Variants in STK32A observed in about 807,000 individuals in gnomAD.
STK32A encodes the protein serine/threonine kinase 32A.
A neutral mutation model predicts 53.2 loss-of-function variants in STK32A; 41 were observed. The ratio of observed to expected loss-of-function variants is 0.77; its 90% CI spans 0.60 to 1.00. STK32A has a LOEUF of 1.00. STK32A is among the 50% of genes least tolerant of loss of function. The pLI is 0.00. For missense variants in STK32A, 458 were observed against 485.8 expected (o/e 0.94, Z 0.54); for synonymous variants, 166 against 162.8 (o/e 1.02, Z -0.15).
chr5:147,388,237 C>T (rs1179893568), downstream of STK32A, among the ~76,000 whole-genome samples: 3 of 152,122 alleles, frequency 2.0e-5, no homozygotes, highest in Non-Finnish European at 2.9e-5. Flanking sequence ...TATACCAAAG[C>T]AGCAGGCAGA....
In STK32A at chr5:147,246,229, C is replaced by T. The variant is rs140985662; in HGVS notation, c.52+6543C>T. Among the ~76,000 whole-genome samples the T allele has an allele frequency of 2.0e-5, 3 of 152,222 alleles. No individual in the cohort carries two copies. In the East Asian group the frequency reaches 5.8e-4, roughly 29 times the overall value. On this transcript the variant is annotated intron_variant, in intron 2 of 12. Coordinates refer to ENST00000397936, the MANE Select transcript of STK32A (RefSeq NM_001112724.2). ...TAGTAAAGGCATTTGTCATAAATAA[C>T]CTCAAGTCCAATTTATGGCAAGGGT... is the stretch of plus-strand genomic sequence containing the variant.
chr5:147,384,528 A>C lies in STK32A; in HGVS notation c.*545A>C. ...ATCAGATTAAAAGTAACAGAGATGG[A>C]TGAGGGCCTTCCAGTGATATGCGTG... On this transcript the variant is annotated 3_prime_UTR_variant, in exon 13 of 13. Coordinates refer to ENST00000397936, the MANE Select transcript of STK32A (RefSeq NM_001112724.2). 1.8e-6 allele frequency: 2 copies of C among 1,101,938 alleles called. No individual in the cohort carries two copies. The highest frequency in any genetic ancestry group is 2.8e-5 in the South Asian group (2 of 70,710). The allele number at this position is 1,101,938 out of a possible 1,614,324, so 68.3% of individuals were successfully genotyped here. A position where few individuals can be genotyped will look rare whatever the true frequency, so the allele number is the denominator to read the frequency against.
intron 2 of STK32A, among the ~76,000 whole-genome samples, chr5:147,268,684 G>A (rs1238486295): frequency 6.6e-6 from 1 of 152,168 alleles, no homozygotes; most frequent in Non-Finnish European, 1.5e-5. Context: ...CTGTGACAGA[G>A]GGGGAATATG....
chr5:147,243,671 G>T (rs1206044602), intron 2 of STK32A, among the ~76,000 whole-genome samples: 2 of 149,188 alleles, frequency 1.3e-5, no homozygotes, highest in Non-Finnish European at 3.0e-5. Context: ...AACCTGGGAG[G>T]TGAAGTTTGC....
downstream of STK32A, chr5:147,387,878 CTGTGTGTGTGTATG>C (rs1757714511): frequency 6.6e-6 from 1 of 152,030 alleles, no homozygotes; most frequent in Non-Finnish European, 1.5e-5. Context: ...TCTTTGTCAG[CTGTGTGTGTGTATG>C]TGTGTGTGTG....
chr5:147,279,399 G>A lies in STK32A; in HGVS notation c.260+1G>A, dbSNP rs770017388. 1 of 1,572,402 alleles carries A rather than the reference G, an allele frequency of 6.4e-7. No homozygotes were observed. Among genetic ancestry groups the A allele is most frequent in the South Asian group, 1.2e-5 (1 of 85,838 alleles). On this transcript the variant is annotated splice_donor_variant, in intron 4 of 12. Coordinates refer to ENST00000397936, the MANE Select transcript of STK32A (RefSeq NM_001112724.2). LOFTEE classifies it high-confidence loss of function. The stretch of plus-strand genomic sequence containing the variant: ...AGCACCCTTTCCTGGTTAATTTGTG[G>A]TGAGTAATTTTACTGGACCTCTGAA...
intron 1 of STK32A, among the ~76,000 whole-genome samples, chr5:147,235,637 C>G (rs1213048471): frequency 3.3e-5 from 5 of 152,170 alleles, no homozygotes; most frequent in Non-Finnish European, 7.3e-5. Flanking sequence ...CATGCCTGTA[C>G]CTAGATTTCA....
chr5:147,277,241 A>C (rs1467255565), intron 2 of STK32A, among the ~76,000 whole-genome samples: 1 of 152,210 alleles, frequency 6.6e-6, no homozygotes, highest in African/African-American at 2.4e-5. Flanking sequence ...TCCTTATTTC[A>C]AAAACCAGGA....
intron 4 of STK32A, among the ~76,000 whole-genome samples, chr5:147,287,725 T>C (rs1373930071): frequency 6.6e-6 from 1 of 152,152 alleles, no homozygotes; most frequent in Non-Finnish European, 1.5e-5. Flanking sequence ...CTTTCTTCCC[T>C]ACCCTTAGCA....
At chr5:147,373,647 C>T (rs908154320) in intron 10 of STK32A, among the ~76,000 whole-genome samples, 97 of 151,966 alleles carry the variant, frequency 6.4e-4, no homozygotes, top group African/African-American at 2.2e-3. Flanking sequence ...TCTAAAGATG[C>T]AGAAGTTTGT....
chr5:147,324,008 A>G lies in STK32A; in HGVS notation c.371A>G (p.Lys124Arg). 1 of 1,611,980 alleles carries G rather than the reference A, an allele frequency of 6.2e-7. No individual in the cohort carries two copies. The highest frequency in any genetic ancestry group is 8.5e-7 in the Non-Finnish European group (1 of 1,179,104). The change falls in exon 5 of 13, where the codon AAG becomes AGG. Residue 124 changes from lysine (K) to arginine (R), a missense_variant. Transcript: ENST00000397936. ...QNVHFKEETV[K>R]LFICELVMAL... is the part of the protein sequence containing the mutation. ...GTCCACTTCAAGGAAGAAACAGTGA[A>G]GCTCTTCATCTGTGAGCTGGTCATG...
chr5:147,370,769 A>C lies in STK32A; in HGVS notation c.776A>C (p.Lys259Thr). 1 of 1,593,616 alleles carries C rather than the reference A, an allele frequency of 6.3e-7. No individual in the cohort carries two copies. Among genetic ancestry groups the C allele is most frequent in the Non-Finnish European group, 8.6e-7 (1 of 1,161,982 alleles). Residue 259 changes from lysine (K) to threonine (T), a missense_variant and splice_region_variant, in exon 9 of 13, where the codon AAG becomes ACG. Transcript: ENST00000397936. ...CAGGAAATGGTGTCACTTCTTAAAAAGGTAAGAAGGAAGACTGCATGTCCA... is the reference window on the plus strand; with the variant it reads ...CAGGAAATGGTGTCACTTCTTAAAACGGTAAGAAGGAAGACTGCATGTCCA... The part of the protein sequence containing the change: ...WSQEMVSLLK[K>T]LLEPNPDQRF...
chr5:147,250,761 G>A (rs1419029085), intron 2 of STK32A, among the ~76,000 whole-genome samples: 1 of 151,120 alleles, frequency 6.6e-6, no homozygotes. Flanking sequence ...CTAACACTGT[G>A]AAACCCCATC....
intron 4 of STK32A, among the ~76,000 whole-genome samples, chr5:147,292,817 C>T (rs1752665749): frequency 6.6e-6 from 1 of 151,852 alleles, no homozygotes; most frequent in Non-Finnish European, 1.5e-5. Flanking sequence ...GCTGAGATCA[C>T]ATCATTGCAC....
intron 5 of STK32A, among the ~76,000 whole-genome samples, chr5:147,330,506 TC>T (rs1754813751): frequency 6.6e-6 from 1 of 152,204 alleles, no homozygotes; most frequent in African/African-American, 2.4e-5. Context: ...AAGCTGGGAA[TC>T]CTGGGGGTCA....
rs539193189 is a variant in STK32A at position 147,385,158 on chromosome 5, T to G, written c.*1175T>G. The G allele has an allele frequency of 8.5e-5, 13 of 152,350 alleles. No individual in the cohort carries two copies. The highest frequency in any genetic ancestry group is 2.9e-4 in the African/African-American group (12 of 41,566). The allele number at this position is 152,350 out of a possible 1,614,324, so 9.4% of individuals were successfully genotyped here. A position where few individuals can be genotyped will look rare whatever the true frequency, so the allele number is the denominator to read the frequency against. ...ACTAGAATTACTCTTTTTTTTCTTT[T>G]CAGGCAGAGTCTCACTCTGTCACCC... is the stretch of plus-strand genomic sequence containing the variant. On this transcript the variant is annotated 3_prime_UTR_variant, in exon 13 of 13. Transcript: ENST00000397936.
At chr5:147,314,658 G>A (rs1186681896) in intron 4 of STK32A, among the ~76,000 whole-genome samples, 1 of 151,182 alleles carries the variant, frequency 6.6e-6, no homozygotes, top group Non-Finnish European at 1.5e-5. Context: ...CACTTCAAAA[G>A]ATCCTGAGCA....
intron 2 of STK32A, among the ~76,000 whole-genome samples, chr5:147,260,322 C>CTGT (rs1209567414): frequency 4.7e-5 from 6 of 127,988 alleles, no homozygotes; most frequent in African/African-American, 1.5e-4. Context: ...TCTCTCTTCT[C>CTGT]CGTCTCTATC....
chr5:147,297,503 T>A (rs1023197709), intron 4 of STK32A, among the ~76,000 whole-genome samples: 5 of 152,198 alleles, frequency 3.3e-5, no homozygotes, highest in African/African-American at 4.8e-5. Context: ...TGCTTTTTTG[T>A]AAATCCTTCA....
Sources: gnomAD v4.1 joint callset for allele counts (sites outside exome capture counted in the v4.1 genomes callset) on GRCh38, gnomAD v4.1.1 for gene constraint, MANE v1.5 for transcripts, NCBI Gene and HGNC (gene_info 2026-07-23, HGNC 2026-07-21) for gene names.